Variants in SPIRE2 observed in about 807,000 individuals in gnomAD.
SPIRE2 encodes the protein spire type actin nucleation factor 2.
In SPIRE2, 76 loss-of-function variants were observed where a neutral mutation model predicts 80.7. The observed-to-expected ratio is 0.94, with a 90% CI of 0.78 to 1.14. SPIRE2 has a LOEUF of 1.14. SPIRE2 is among the 50% of genes most tolerant of loss of function. SPIRE2 has a pLI of 0.00. For synonymous variants in SPIRE2, 535 were observed against 432.6 expected (o/e 1.24, Z -2.94); for missense variants, 1,196 against 1,015.3 (o/e 1.18, Z -2.42).
At chr16:89,838,800 C>T (rs988476162) in intron 1 of SPIRE2, among the ~76,000 whole-genome samples, 3 of 152,208 alleles carry the variant, frequency 2.0e-5, no homozygotes, top group Admixed American at 6.5e-5. Flanking sequence ...TCTGTCTCCT[C>T]CTGCACTCAG....
At chr16:89,866,774 A>G (rs983976336) in intron 12 of SPIRE2, among the ~76,000 whole-genome samples, 1 of 151,120 alleles carries the variant, frequency 6.6e-6, no homozygotes, top group African/African-American at 2.4e-5. Flanking sequence ...AGGCCTGGCT[A>G]ATTTGTTTGC....
intron 1 of SPIRE2, among the ~76,000 whole-genome samples, chr16:89,831,473 C>G (rs2041381343): frequency 6.7e-6 from 1 of 148,826 alleles, no homozygotes; most frequent in South Asian, 2.1e-4. Context: ...TCTCGGCTCA[C>G]TGCAAGCTTC....
intron 1 of SPIRE2, among the ~76,000 whole-genome samples, chr16:89,837,781 C>T (rs532846760): frequency 3.7e-4 from 56 of 152,240 alleles, no homozygotes; most frequent in African/African-American, 9.6e-4. Context: ...GTGCGGGGGG[C>T]GTGTGAGTTT....
At chr16:89,849,642 C>G (rs1288952928) in intron 2 of SPIRE2, among the ~76,000 whole-genome samples, 1 of 152,152 alleles carries the variant, frequency 6.6e-6, no homozygotes, top group Admixed American at 6.6e-5. Flanking sequence ...ACCACCTGGG[C>G]CTGTGGGCCT....
In SPIRE2 at chr16:89,863,684, A is replaced by C. The variant is rs868843794; in HGVS notation, c.1710+74A>C. On this transcript the variant is annotated intron_variant, in intron 11 of 14. Transcript: ENST00000378247. This position sits in a 1 kb window ranked among gnomAD's most constrained non-coding sequence, Gnocchi z 4.3. ...GCGGGTGCCGAGAGGGCCAGTTCCC[A>C]GGACTGTTTGCTCATGATCTGGTTG... 3 of 1,612,534 alleles carry C rather than the reference A, an allele frequency of 1.9e-6. No homozygotes were observed. The highest frequency in any genetic ancestry group is 2.7e-5 in the African/African-American group (2 of 75,038).
chr16:89,837,179 C>G (rs376339526), intron 1 of SPIRE2, among the ~76,000 whole-genome samples: 11 of 152,140 alleles, frequency 7.2e-5, no homozygotes, highest in Admixed American at 7.2e-4. Flanking sequence ...CCGAGTCCTG[C>G]CCGGAACATC....
At chr16:89,847,437 C>A (rs2041573005) in intron 2 of SPIRE2, among the ~76,000 whole-genome samples, 1 of 152,202 alleles carries the variant, frequency 6.6e-6, no homozygotes, top group Non-Finnish European at 1.5e-5. Context: ...AGTCTCCAAA[C>A]AGAGCAGCTG....
At position 89,871,163 on chromosome 16, in the gene SPIRE2, C is replaced by G. The variant is rs182515313; in HGVS notation, c.*891C>G. On this transcript the variant is annotated 3_prime_UTR_variant, in exon 15 of 15. Transcript: ENST00000378247. ...TCCCTGGGGTCCAAACCACATGTGT[C>G]CTGCCTCTCCTGGCCCTACCACATT... 3 of 152,726 alleles carry G rather than the reference C, an allele frequency of 2.0e-5. No homozygotes were observed. Among genetic ancestry groups the G allele is most frequent in the Admixed American group, 6.5e-5 (1 of 15,290 alleles). 9.5% of individuals were successfully genotyped at this position (152,726 alleles called of 1,614,324 possible). A position where few individuals can be genotyped will look rare whatever the true frequency, so the allele number is the denominator to read the frequency against.
intron 13 of SPIRE2, 129 bp downstream of exon 13, chr16:89,868,345 T>C: frequency 1.0e-6 from 1 of 972,578 alleles, no homozygotes; most frequent in Admixed American, 2.2e-5. Context: ...CAGAATCCAT[T>C]CCTATACTTT....
At chr16:89,858,617 T>C (rs1597221468) in intron 8 of SPIRE2, 110 bp downstream of exon 8, 1 of 1,059,218 alleles carries the variant, frequency 9.4e-7, no homozygotes, top group East Asian at 2.8e-5. Context: ...CGGTGTCTCC[T>C]GTCCAGGAGC....
intron 13 of SPIRE2, 28 bp from the exon 14 acceptor site, chr16:89,869,539 G>A (rs778053814): frequency 1.3e-6 from 2 of 1,508,942 alleles, no homozygotes; most frequent in Non-Finnish European, 1.8e-6. Context: ...GTGGTGCCTG[G>A]TTCATACCTC....
chr16:89,848,422 G>T (rs997941437), intron 2 of SPIRE2, among the ~76,000 whole-genome samples: 3 of 152,268 alleles, frequency 2.0e-5, no homozygotes, highest in African/African-American at 2.4e-5. Flanking sequence ...GCCCTTGCAG[G>T]TTCCAGGGCC....
intron 3 of SPIRE2, among the ~76,000 whole-genome samples, chr16:89,853,026 C>CCGTCTTCCGTCCTCCCTCT: frequency 6.6e-6 from 1 of 152,034 alleles, no homozygotes; most frequent in South Asian, 2.1e-4. Flanking sequence ...ATCCCATGGC[C>CCGTCTTCCGTCCTCCCTCT]CATCTTCCGT....
At position 89,870,444 on chromosome 16, in the gene SPIRE2, G is replaced by A. The variant is rs2041830382; in HGVS notation, c.*172G>A. ...TGGCCCCAGAGCTCATTTGGGTTCA[G>A]GCGCACTTCAAAACCCTCCCTGGGG... is the stretch of plus-strand genomic sequence containing the variant. On this transcript the variant is annotated 3_prime_UTR_variant, in exon 15 of 15. Coordinates refer to ENST00000378247, the MANE Select transcript of SPIRE2 (RefSeq NM_032451.2). The A allele has an allele frequency of 1.4e-5, 8 of 561,228 alleles. No individual in the cohort carries two copies. The South Asian group carries it at 1.9e-4, about 13-fold the overall frequency. The allele number at this position is 561,228 out of a possible 1,614,324, so 34.8% of individuals were successfully genotyped here. A position where few individuals can be genotyped will look rare whatever the true frequency, so the allele number is the denominator to read the frequency against.
At chr16:89,844,406 C>T (rs899763147) in intron 1 of SPIRE2, among the ~76,000 whole-genome samples, 1 of 150,628 alleles carries the variant, frequency 6.6e-6, no homozygotes, top group African/African-American at 2.4e-5. Flanking sequence ...GAACTGCTAG[C>T]CTCAAGTGGT....
At chr16:89,845,505 T>C in intron 2 of SPIRE2, 140 bp downstream of exon 2, 1 of 803,090 alleles carries the variant, frequency 1.2e-6, no homozygotes, top group Non-Finnish European at 2.1e-6. Context: ...ACAGGCTTAG[T>C]TGCAGGGACT....
intron 12 of SPIRE2, among the ~76,000 whole-genome samples, chr16:89,866,883 A>G (rs1416920108): frequency 6.6e-6 from 1 of 152,072 alleles, no homozygotes; most frequent in Non-Finnish European, 1.5e-5. Flanking sequence ...TGCTGGGATT[A>G]CAGGCTTGAG....
At position 89,845,365 on chromosome 16, in the gene SPIRE2, G is replaced by A. The variant is rs774538839; in HGVS notation, c.288G>A (p.Gln96=). The A allele has an allele frequency of 6.2e-7, 1 of 1,613,666 alleles. No homozygotes were observed. The highest frequency in any genetic ancestry group is 1.3e-5 in the African/African-American group (1 of 74,894). Residue 96 remains glutamine, a splice_region_variant and synonymous_variant, in exon 2 of 15, where the codon CAG becomes CAA. Coordinates refer to ENST00000378247, the MANE Select transcript of SPIRE2 (RefSeq NM_032451.2). ...MVVPLASSEA[Q]TVQSLGFAIY... Reference sequence around the variant, plus strand: ...TGCCACTAGCCAGCTCGGAAGCCCAGGTACTTTTTAAAAAATTCCAAGTAT... The same window carrying A: ...TGCCACTAGCCAGCTCGGAAGCCCAAGTACTTTTTAAAAAATTCCAAGTAT...
chr16:89,845,868 T>C, intron 2 of SPIRE2: 2 of 527,594 alleles, frequency 3.8e-6, no homozygotes, highest in South Asian at 2.9e-5. Context: ...TAGTTTTCTT[T>C]CTTTGTTTTT....
Sources: gnomAD v4.1 joint callset for allele counts (sites outside exome capture counted in the v4.1 genomes callset) on GRCh38, gnomAD v4.1.1 for gene constraint, Gnocchi (gnomAD v3.1) non-coding constraint, MANE v1.5 for transcripts, NCBI Gene and HGNC (gene_info 2026-07-23, HGNC 2026-07-21) for gene names.